REEP5: variants seen among roughly 807,000 people sequenced by gnomAD.
REEP5 encodes the protein receptor accessory protein 5, also known as receptor expression-enhancing protein 5.
REEP5 carries 24 observed loss-of-function variants against 22.4 expected under a neutral mutation model. The observed-to-expected ratio is 1.07, with a 90% CI of 0.78 to 1.51. REEP5 has a LOEUF of 1.51. Ranked by LOEUF, REEP5 falls within the 40% of genes most tolerant of loss-of-function variation. REEP5 has a pLI of 0.00. For synonymous variants in REEP5, 103 were observed against 88.6 expected (o/e 1.16, Z -0.92); for missense variants, 252 against 233.0 (o/e 1.08, Z -0.53).
intron 3 of REEP5, chr5:112,895,356 C>G (rs1768650977): frequency 6.6e-6 from 1 of 150,782 alleles, no homozygotes; most frequent in African/African-American, 2.4e-5. Flanking sequence ...AATTAATGTA[C>G]TTGAAGAAAG....
chr5:112,901,981 A>C (rs1268722832), intron 3 of REEP5, among the ~76,000 whole-genome samples: 2 of 151,770 alleles, frequency 1.3e-5, no homozygotes, highest in Admixed American at 1.3e-4. Context: ...AAAAAAAAAA[A>C]AAAAGGCTAA....
chr5:112,894,517 T>C (rs1178123535), intron 3 of REEP5: 1 of 152,226 alleles, frequency 6.6e-6, no homozygotes. Context: ...CATTATGATA[T>C]GCAGGAAATG....
intron 2 of REEP5, among the ~76,000 whole-genome samples, chr5:112,910,377 G>A (rs577716563): frequency 7.2e-5 from 11 of 152,152 alleles, no homozygotes; most frequent in Middle Eastern, 3.4e-3. Flanking sequence ...ATGTGTAGGC[G>A]TAGTGGGTAC....
chr5:112,922,049 C>T, intron 1 of REEP5, 24 bp downstream of exon 1: 1 of 1,579,698 alleles, frequency 6.3e-7, no homozygotes, highest in Non-Finnish European at 8.6e-7. Flanking sequence ...GCCCTACCAG[C>T]GGCGGCGACC....
chr5:112,890,205 G>A (rs1221024652), intron 3 of REEP5, among the ~76,000 whole-genome samples: 2 of 150,272 alleles, frequency 1.3e-5, no homozygotes, highest in Non-Finnish European at 2.9e-5. Flanking sequence ...TGGGAGGGTG[G>A]CTTGACCTTG....
chr5:112,883,876 C>T (rs996385818), intron 4 of REEP5, among the ~76,000 whole-genome samples: 12 of 152,282 alleles, frequency 7.9e-5, no homozygotes, highest in African/African-American at 2.6e-4. Context: ...GGCTAAAAAG[C>T]TCGTCCTTGT....
At position 112,908,464 on chromosome 5, in the gene REEP5, T is replaced by C. The variant is rs7734810; in HGVS notation, c.213-5946A>G. Among the ~76,000 whole-genome samples the C allele has an allele frequency of 4.3e-3, 653 of 152,296 alleles. 7 individuals carry two copies. Among genetic ancestry groups the C allele is most frequent in the African/African-American group, 0.015 (634 of 41,562 alleles). On this transcript the variant is annotated intron_variant, in intron 2 of 4. Transcript: ENST00000379638. ...GACTAGTTTTCTCTATGAGGCTTTG[T>C]TAAAAATAAACACTAAAGTGAACAT...
Position 112,902,451 on chromosome 5 carries a change from C to T in REEP5, c.280G>A (p.Gly94Ser). Residue 94 changes from glycine to serine, a missense_variant, in exon 3 of 5, where the codon GGT (glycine) becomes AGT (serine). Physicochemically the swap from Gly to Ser is moderately conservative, Grantham distance 56 (BLOSUM62 0). Transcript: ENST00000379638. ...TQWLTYWVVYGVFSIAEFFSD... is the reference protein window; with the variant it reads ...TQWLTYWVVYSVFSIAEFFSD... ...AAGAATTCAGCAATGCTGAACACAC[C>T]ATACACTACCCAGTAGGTCAGCCAC... 6.2e-7 allele frequency: 1 copy of T among 1,612,934 alleles called. No homozygotes were observed. The highest frequency in any genetic ancestry group is 1.7e-5 in the Admixed American group (1 of 59,764).
intron 3 of REEP5, among the ~76,000 whole-genome samples, chr5:112,901,174 C>A (rs1768834634): frequency 6.6e-6 from 1 of 152,100 alleles, no homozygotes; most frequent in South Asian, 2.1e-4. Context: ...ACACAATCAA[C>A]TACAAGTTTT....
chr5:112,891,828 A>G (rs1768463750), intron 3 of REEP5: 2 of 1,569,946 alleles, frequency 1.3e-6, no homozygotes, highest in Non-Finnish European at 8.8e-7. Context: ...AACAACAACT[A>G]GAAGAAGAGA....
intron 2 of REEP5, among the ~76,000 whole-genome samples, chr5:112,910,586 C>G (rs1231915803): frequency 1.3e-5 from 2 of 152,148 alleles, no homozygotes; most frequent in African/African-American, 4.8e-5. Flanking sequence ...TATCTGTCCC[C>G]ATAAATCTAG....
chr5:112,922,005 T>G, intron 1 of REEP5, 68 bp downstream of exon 1: 1 of 1,531,100 alleles, frequency 6.5e-7, no homozygotes, highest in East Asian at 2.5e-5. Flanking sequence ...CCCTGCTTCC[T>G]TCCCCAGCAG....
chr5:112,892,040 A>C (rs1336187035), intron 3 of REEP5: 1 of 1,465,428 alleles, frequency 6.8e-7, no homozygotes, highest in Non-Finnish European at 9.6e-7. Flanking sequence ...CAACAGGAGA[A>C]GAAAGAAAAA....
chr5:112,918,703 A>G (rs115906690), intron 2 of REEP5, among the ~76,000 whole-genome samples: 1,751 of 152,240 alleles, frequency 0.012, 25 homozygotes, highest in Non-Finnish European at 0.014. Context: ...CCCTACCACC[A>G]TCTGGAATGA....
At chr5:112,901,970 G>GA (rs796149854) in intron 3 of REEP5, among the ~76,000 whole-genome samples, 339 of 67,488 alleles carry the variant, frequency 5.0e-3, no homozygotes, top group Middle Eastern at 0.026. Flanking sequence ...CTCAAAAAAA[G>GA]AAAAAAAAAA....
At chr5:112,913,827 A>G (rs1237063546) in intron 2 of REEP5, among the ~76,000 whole-genome samples, 1 of 152,036 alleles carries the variant, frequency 6.6e-6, no homozygotes, top group Non-Finnish European at 1.5e-5. Flanking sequence ...CTTGATTTCC[A>G]CATCTGTTAC....
At chr5:112,915,748 T>G (rs1465830779) in intron 2 of REEP5, among the ~76,000 whole-genome samples, 8 of 152,176 alleles carry the variant, frequency 5.3e-5, no homozygotes, top group African/African-American at 1.9e-4. Context: ...TGCTCTGCTC[T>G]TCAACACTTT....
intron 2 of REEP5, among the ~76,000 whole-genome samples, chr5:112,916,853 G>A (rs1005509404): frequency 4.6e-5 from 7 of 152,138 alleles, no homozygotes; most frequent in Non-Finnish European, 1.5e-5. Context: ...GTAAAAATGG[G>A]AATAATCATA....
chr5:112,890,854 G>C lies in REEP5; in HGVS notation c.352-3671C>G, dbSNP rs1041802870. Among the ~76,000 whole-genome samples the C allele has an allele frequency of 2.3e-4, 34 of 150,540 alleles. 2 individuals carry two copies. Among genetic ancestry groups the C allele is most frequent in the African/African-American group, 7.7e-4 (31 of 40,404 alleles). On this transcript the variant is annotated intron_variant, in intron 3 of 4. Transcript: ENST00000379638. ...ACAAGTTACTTAATCACTTAAGTCT[G>C]GTTTTTCCTCTATAAAATAGGTATT...
Sources: gnomAD v4.1 joint callset for allele counts (sites outside exome capture counted in the v4.1 genomes callset) on GRCh38, gnomAD v4.1.1 for gene constraint, MANE v1.5 for transcripts, NCBI Gene and HGNC (gene_info 2026-07-23, HGNC 2026-07-21) for gene names.